The following ZFYVE28 variants were observed in gnomAD, a reference collection of about 807,000 sequenced individuals.
The protein encoded by ZFYVE28 is zinc finger FYVE-type containing 28, also known as lateral signaling target protein 2 homolog.
ZFYVE28 carries 40 observed loss-of-function variants against 82.1 expected under a neutral mutation model. That is an observed-to-expected ratio of 0.49 (90% CI 0.38 to 0.63). ZFYVE28 has a LOEUF of 0.63. Among genes scored for constraint, ZFYVE28 ranks in the 30% least tolerant of loss-of-function variants. The probability of loss-of-function intolerance (pLI) is 0.00; values close to 1 mark genes in which losing one functional copy is unlikely to be tolerated. For missense variants in ZFYVE28, 1,321 were observed against 1,242.1 expected, an observed-to-expected ratio of 1.06 and a Z score of -0.96; for synonymous variants, 612 against 546.1, an observed-to-expected ratio of 1.12 and a Z score of -1.68.
intron 8 of ZFYVE28, chr4:2,287,585 G>A (rs1173641976): frequency 2.0e-5 from 3 of 152,300 alleles, no homozygotes; most frequent in Non-Finnish European, 2.9e-5. Context: ...TCTCTGCGGT[G>A]ACTGACGTGG....
At chr4:2,413,064 A>T (rs1732685021) in intron 1 of ZFYVE28, among the ~76,000 whole-genome samples, 1 of 152,198 alleles carries the variant, frequency 6.6e-6, no homozygotes, top group Non-Finnish European at 1.5e-5. Context: ...GAGTGATGAC[A>T]GAGTCGGCGC....
Position 2,371,852 on chromosome 4 carries a change from C to G in ZFYVE28, c.40-17779G>C, listed in dbSNP as rs575294414. Among the ~76,000 whole-genome samples the G allele has an allele frequency of 4.1e-5, 6 of 147,858 alleles. No homozygotes were observed. The South Asian group carries it at 1.1e-3, about 27-fold the overall frequency. On this transcript the variant is annotated intron_variant, in intron 1 of 12. Coordinates refer to ENST00000290974, the MANE Select transcript of ZFYVE28 (RefSeq NM_020972.3). ...CCCAGCAAACAGCTGGCAGCCCGCC[C>G]CCCACCCAGCGTGAGAAGCCGGCCT...
chr4:2,418,228 C>T lies in ZFYVE28; in HGVS notation c.39+57G>A. The T allele has an allele frequency of 1.3e-6, 2 of 1,506,050 alleles. No homozygotes were observed. Among genetic ancestry groups the T allele is most frequent in the Non-Finnish European group, 1.8e-6 (2 of 1,124,296 alleles). 93.3% of individuals were successfully genotyped at this position (1,506,050 alleles called of 1,614,324 possible). A position where few individuals can be genotyped will look rare whatever the true frequency, so the allele number is the denominator to read the frequency against. On this transcript the variant is annotated intron_variant, in intron 1 of 12. Coordinates refer to ENST00000290974, the MANE Select transcript of ZFYVE28 (RefSeq NM_020972.3). The surrounding 1 kb of genome is among the most constrained non-coding windows in gnomAD (Gnocchi z 4.6). ...CGTCTTGTAGGGCGGACGGGCGGTC[C>T]TGGGGAAGGGAGAGGCCGCGACGCG...
chr4:2,384,095 G>A (rs567919600), intron 1 of ZFYVE28, among the ~76,000 whole-genome samples: 1 of 152,150 alleles, frequency 6.6e-6, no homozygotes, highest in Non-Finnish European at 1.5e-5. Flanking sequence ...TTTTTGGACT[G>A]GGGTACACAG....
At chr4:2,402,161 C>T (rs1380974415) in intron 1 of ZFYVE28, among the ~76,000 whole-genome samples, 1 of 152,230 alleles carries the variant, frequency 6.6e-6, no homozygotes, top group African/African-American at 2.4e-5. Flanking sequence ...TGGAGCTCTG[C>T]TGCCACCGCT....
At chr4:2,383,487 G>C (rs1728935682) in intron 1 of ZFYVE28, among the ~76,000 whole-genome samples, 1 of 152,140 alleles carries the variant, frequency 6.6e-6, no homozygotes, top group Non-Finnish European at 1.5e-5. Flanking sequence ...TTTCTTCCTA[G>C]TCTCAGGTAT....
chr4:2,357,660 C>T (rs141900997), intron 1 of ZFYVE28, among the ~76,000 whole-genome samples: 3 of 152,344 alleles, frequency 2.0e-5, no homozygotes, highest in African/African-American at 4.8e-5. Context: ...GGAGCCCTCA[C>T]AGTCCCTCTC....
intron 1 of ZFYVE28, among the ~76,000 whole-genome samples, chr4:2,414,039 C>CCCCACCCCCCACTCTGGGG (rs1732787037): frequency 6.6e-6 from 1 of 152,248 alleles, no homozygotes; most frequent in Non-Finnish European, 1.5e-5. Context: ...CCAGACCTTG[C>CCCCACCCCCCACTCTGGGG]CCCACCCCCC....
rs1713201998 is a variant in ZFYVE28 at position 2,289,094 on chromosome 4, C to T, written c.2052-14878G>A. On this transcript the variant is annotated intron_variant, in intron 8 of 12. Transcript: ENST00000290974. ...GGCCAAGAGTTCGAGACCAGCCTGG[C>T]CAACATGGCAAAACCTAGTCTCTTC... 2.6e-5 allele frequency among the ~76,000 whole-genome samples: 4 copies of T among 152,336 alleles called. No individual in the cohort carries two copies. In the South Asian group the frequency reaches 8.3e-4, roughly 32 times the overall value.
At chr4:2,322,372 G>A (rs1031212812) in intron 6 of ZFYVE28, among the ~76,000 whole-genome samples, 11 of 152,156 alleles carry the variant, frequency 7.2e-5, no homozygotes, top group African/African-American at 2.4e-4. Flanking sequence ...GCTACAGCCC[G>A]ACAGGCCACC....
chr4:2,307,204 T>A (rs1428651580), intron 7 of ZFYVE28: 6 of 152,272 alleles, frequency 3.9e-5, no homozygotes, highest in African/African-American at 1.4e-4. Context: ...ATTTTCTCTA[T>A]GTAAAGTTCC....
intron 1 of ZFYVE28, among the ~76,000 whole-genome samples, chr4:2,377,572 T>C (rs1339681752): frequency 6.6e-6 from 1 of 152,170 alleles, no homozygotes; most frequent in Non-Finnish European, 1.5e-5. Context: ...TCACTAGCAG[T>C]TCATTTGGGT....
intron 1 of ZFYVE28, among the ~76,000 whole-genome samples, chr4:2,364,157 G>T (rs913092807): frequency 1.3e-5 from 2 of 152,210 alleles, no homozygotes; most frequent in African/African-American, 4.8e-5. Flanking sequence ...TGGGGCACAG[G>T]GTGCCTGACG....
intron 3 of ZFYVE28, among the ~76,000 whole-genome samples, chr4:2,340,670 C>G (rs1722643485): frequency 6.6e-6 from 1 of 152,204 alleles, no homozygotes; most frequent in African/African-American, 2.4e-5. Context: ...CATCTCATGA[C>G]TGCCCCAGGA....
rs949794229 is a variant in ZFYVE28 at position 2,418,482 on chromosome 4, CGGGCAGGTGCGCG to C, written c.-172_-160del. 5.0e-6 allele frequency: 2 copies of C among 400,320 alleles called. No individual in the cohort carries two copies. The highest frequency in any genetic ancestry group is 4.4e-5 in the African/African-American group (2 of 45,654). The allele number at this position is 400,320 out of a possible 1,614,324, so 24.8% of individuals were successfully genotyped here. A position where few individuals can be genotyped will look rare whatever the true frequency, so the allele number is the denominator to read the frequency against. On this transcript the variant is annotated 5_prime_UTR_variant, in exon 1 of 13. Transcript: ENST00000290974. This position sits in a 1 kb window ranked among gnomAD's most constrained non-coding sequence, Gnocchi z 4.6. Reference sequence around the variant, plus strand: ...GAAGCCCGGAGCGCCGAGCGGGCGGCGGGCAGGTGCGCGGGGCAGGTGCGCGGCCCTGAGTATG... The same window carrying C: ...GAAGCCCGGAGCGCCGAGCGGGCGGCGGGCAGGTGCGCGGCCCTGAGTATG...
chr4:2,339,328 C>T lies in ZFYVE28; in HGVS notation c.521+125G>A. 8.6e-7 allele frequency: 1 copy of T among 1,158,138 alleles called. No homozygotes were observed. The highest frequency in any genetic ancestry group is 1.2e-6 in the Non-Finnish European group (1 of 815,452). The allele number at this position is 1,158,138 out of a possible 1,614,324, so 71.7% of individuals were successfully genotyped here. ...GGCTTAACCCCACCCACAGGCGGCC[C>T]TGAACCTGCCTGGCTCCTCCCTCTG... On this transcript the variant is annotated intron_variant, in intron 4 of 12. Transcript: ENST00000290974. This position sits in a 1 kb window ranked among gnomAD's most constrained non-coding sequence, Gnocchi z 5.0.
chr4:2,353,945 G>A lies in ZFYVE28; in HGVS notation c.168C>T (p.Phe56=). 1 of 1,547,224 alleles carries A rather than the reference G, an allele frequency of 6.5e-7. No individual in the cohort carries two copies. Among genetic ancestry groups the A allele is most frequent in the Non-Finnish European group, 8.7e-7 (1 of 1,145,406 alleles). ...PQRCTLLVSQ[F]RSCQDNVLNI... ...CCCCGTGGCTCACCTGACAGGAGCGGAACTGGCTGACCAGCAGCGTGCACC... is the reference window on the plus strand; with the variant it reads ...CCCCGTGGCTCACCTGACAGGAGCGAAACTGGCTGACCAGCAGCGTGCACC... The change falls in exon 2 of 13, where the codon TTC becomes TTT. Residue 56 remains phenylalanine, a synonymous_variant. Transcript: ENST00000290974.
At chr4:2,296,251 G>C (rs1317900155) in intron 8 of ZFYVE28, among the ~76,000 whole-genome samples, 1 of 152,180 alleles carries the variant, frequency 6.6e-6, no homozygotes, top group African/African-American at 2.4e-5. Flanking sequence ...CACCACTCAG[G>C]GCCTTGCAGG....
rs368304182 is a variant in ZFYVE28, at chr4:2,408,607, G to A, written c.39+9678C>T. 1.8e-4 allele frequency among the ~76,000 whole-genome samples: 28 copies of A among 152,188 alleles called. No homozygotes were observed. The highest frequency in any genetic ancestry group is 6.5e-4 in the African/African-American group (27 of 41,518). On this transcript the variant is annotated intron_variant, in intron 1 of 12. Coordinates refer to ENST00000290974, the MANE Select transcript of ZFYVE28 (RefSeq NM_020972.3). This position sits in a 1 kb window ranked among gnomAD's most constrained non-coding sequence, Gnocchi z 4.3. ...GCCCCGCCCAGGTAAGCCCCATCTAGATGAAGCCCCACCCAGGTAAGCCCA... is the reference window on the plus strand; with the variant it reads ...GCCCCGCCCAGGTAAGCCCCATCTAAATGAAGCCCCACCCAGGTAAGCCCA...
Sources: gnomAD v4.1 joint callset for allele counts (sites outside exome capture counted in the v4.1 genomes callset) on GRCh38, gnomAD v4.1.1 for gene constraint, Gnocchi (gnomAD v3.1) non-coding constraint, MANE v1.5 for transcripts, NCBI Gene and HGNC (gene_info 2026-07-23, HGNC 2026-07-21) for gene names.